CCDC83: variants seen among roughly 807,000 people sequenced by gnomAD.
CCDC83 encodes coiled-coil domain containing 83.
A neutral mutation model predicts 50.1 loss-of-function variants in CCDC83; 54 were observed. The ratio of observed to expected loss-of-function variants is 1.08; its 90% confidence interval spans 0.87 to 1.35. The LOEUF (loss-of-function observed/expected upper bound fraction) is 1.35. Ranked by LOEUF, CCDC83 falls within the 40% of genes most tolerant of loss-of-function variation. The probability of loss-of-function intolerance (pLI) is 0.00; values close to 1 mark genes in which losing one functional copy is unlikely to be tolerated. For synonymous variants in CCDC83, 161 were observed against 153.3 expected (o/e 1.05, Z -0.37); for missense variants, 518 against 473.9 (o/e 1.09, Z -0.86).
intron 5 of CCDC83, among the ~76,000 whole-genome samples, chr11:85,893,914 C>T (rs555990222): frequency 1.1e-4 from 17 of 152,170 alleles, no homozygotes; most frequent in Admixed American, 6.5e-5. Flanking sequence ...GTTTGGCATA[C>T]AGAAAGAGCT....
chr11:85,874,668 C>T (rs2093258980), intron 3 of CCDC83, among the ~76,000 whole-genome samples: 1 of 152,200 alleles, frequency 6.6e-6, no homozygotes, highest in Non-Finnish European at 1.5e-5. Flanking sequence ...AACCAAATTA[C>T]CTTTTGAATA....
At chr11:85,895,822 C>CTT (rs200910995) in intron 6 of CCDC83, among the ~76,000 whole-genome samples, 1 of 150,894 alleles carries the variant, frequency 6.6e-6, no homozygotes, top group African/African-American at 2.4e-5. Flanking sequence ...TGAATTTTTT[C>CTT]TTTTTTTTTG....
chr11:85,897,566 T>C (rs1430340225), intron 6 of CCDC83, among the ~76,000 whole-genome samples: 1 of 152,182 alleles, frequency 6.6e-6, no homozygotes, highest in East Asian at 1.9e-4. Flanking sequence ...GGCTGATATA[T>C]TGCCCTGGGA....
chr11:85,914,773 T>A (rs867044236), intron 8 of CCDC83, among the ~76,000 whole-genome samples: 1 of 152,132 alleles, frequency 6.6e-6, no homozygotes, highest in Non-Finnish European at 1.5e-5. Flanking sequence ...CATGCTGCTA[T>A]AAAAAACTGC....
chr11:85,919,665 G>A lies in CCDC83; in HGVS notation c.*155G>A. 1.6e-6 allele frequency: 1 copy of A among 629,534 alleles called. No individual in the cohort carries two copies. Among genetic ancestry groups the A allele is most frequent in the Non-Finnish European group, 2.7e-6 (1 of 367,748 alleles). 39.0% of individuals were successfully genotyped at this position (629,534 alleles called of 1,614,324 possible). On this transcript the variant is annotated 3_prime_UTR_variant, in exon 11 of 11. Coordinates refer to ENST00000342404, the MANE Select transcript of CCDC83 (RefSeq NM_001286159.2). Reference sequence around the variant, plus strand: ...TTACATTTAAAATCAAAGGTATTCAGCTATTCATTTACTTGCATGGTATGA... The same window carrying A: ...TTACATTTAAAATCAAAGGTATTCAACTATTCATTTACTTGCATGGTATGA...
At chr11:85,908,389 A>G (rs2093434605) in intron 7 of CCDC83, among the ~76,000 whole-genome samples, 1 of 151,966 alleles carries the variant, frequency 6.6e-6, no homozygotes, top group African/African-American at 2.4e-5. Context: ...CGTCTCTACT[A>G]AAGATGCAAA....
intron 4 of CCDC83, among the ~76,000 whole-genome samples, chr11:85,885,952 T>C (rs568961148): frequency 5.3e-5 from 8 of 152,346 alleles, no homozygotes; most frequent in African/African-American, 1.9e-4. Context: ...GTCTATTACG[T>C]CTTTCAATCA....
Position 85,919,536 on chromosome 11 carries a change from A to G in CCDC83, c.*26A>G, listed in dbSNP as rs371318057. 4.5e-6 allele frequency: 7 copies of G among 1,550,560 alleles called. No homozygotes were observed. The African/African-American group carries it at 9.7e-5, about 21-fold the overall frequency. ...GACGGAAAGCTGCAAAGGAAACACA[A>G]CTTTTCCTTATAAATGTTCTTTGGG... On this transcript the variant is annotated 3_prime_UTR_variant, in exon 11 of 11. Transcript: ENST00000342404.
At chr11:85,881,454 T>C (rs1249707161) in intron 3 of CCDC83, among the ~76,000 whole-genome samples, 1 of 152,102 alleles carries the variant, frequency 6.6e-6, no homozygotes, top group African/African-American at 2.4e-5. Flanking sequence ...ACTGGGTCTT[T>C]CTCTGTCACC....
At chr11:85,883,540 T>C (rs2093312127) in intron 4 of CCDC83, among the ~76,000 whole-genome samples, 1 of 152,122 alleles carries the variant, frequency 6.6e-6, no homozygotes, top group Admixed American at 6.5e-5. Context: ...TGCTGTAGGC[T>C]TAGGAAATAC....
chr11:85,887,062 G>A (rs1171332320), intron 5 of CCDC83, among the ~76,000 whole-genome samples: 1 of 152,186 alleles, frequency 6.6e-6, no homozygotes, highest in Non-Finnish European at 1.5e-5. Flanking sequence ...GCTTAGCCAG[G>A]CTGGATAGCC....
At chr11:85,900,235 C>A (rs781416196) in intron 7 of CCDC83, among the ~76,000 whole-genome samples, 5 of 152,292 alleles carry the variant, frequency 3.3e-5, no homozygotes, top group Admixed American at 6.5e-5. Context: ...TATCAGTAAG[C>A]ATCTGCCATC....
intron 3 of CCDC83, among the ~76,000 whole-genome samples, chr11:85,874,917 A>G (rs933737132): frequency 1.3e-5 from 2 of 152,198 alleles, no homozygotes; most frequent in South Asian, 4.1e-4. Context: ...CCTTGTCTCC[A>G]GCTGCTGATG....
At chr11:85,865,258 A>C (rs1298714980) in intron 2 of CCDC83, 40 bp downstream of exon 2, 2 of 1,210,572 alleles carry the variant, frequency 1.7e-6, no homozygotes, top group South Asian at 1.2e-5. Context: ...GCCATAGATA[A>C]AAGGCAGTCA....
In CCDC83 at chr11:85,909,645, C is replaced by T. The variant is rs372501466; in HGVS notation, c.673-1636C>T. Among the ~76,000 whole-genome samples, 470 of 66,740 alleles carry T rather than the reference C, an allele frequency of 7.0e-3. 4 individuals are homozygous for T. The highest frequency in any genetic ancestry group is 0.028 in the African/African-American group (451 of 16,342). The allele number at this position is 66,740 out of a possible 152,430, so 43.8% of individuals were successfully genotyped here. ...TTTTTTTTTTTTTTTTTTTTTGAGA[C>T]GGAGTCTCGCTCTGTTGCCCAGGCT... is the stretch of plus-strand genomic sequence containing the variant. On this transcript the variant is annotated intron_variant, in intron 7 of 10. Coordinates refer to ENST00000342404, the MANE Select transcript of CCDC83 (RefSeq NM_001286159.2).
intron 2 of CCDC83, 63 bp downstream of exon 2, chr11:85,865,281 A>C: frequency 3.0e-6 from 3 of 990,032 alleles, no homozygotes; most frequent in Non-Finnish European, 4.8e-6. Context: ...GTTAAGACTC[A>C]TATAACTGCA....
intron 4 of CCDC83, among the ~76,000 whole-genome samples, chr11:85,883,384 A>C (rs1054841076): frequency 5.3e-5 from 8 of 152,034 alleles, no homozygotes; most frequent in Non-Finnish European, 1.2e-4. Context: ...TAAAACCATG[A>C]AAAATGTTTC....
chr11:85,915,519 T>G (rs367896608), intron 9 of CCDC83, 21 bp downstream of exon 9: 7 of 1,536,508 alleles, frequency 4.6e-6, no homozygotes, highest in African/African-American at 1.4e-5. Context: ...ATTGCAATAA[T>G]GATGATGATT....
chr11:85,873,063 T>C lies in CCDC83; in HGVS notation c.96-148T>C, dbSNP rs578145840. 1.9e-3 allele frequency: 789 copies of C among 419,406 alleles called. 4 individuals carry two copies. Among genetic ancestry groups the C allele is most frequent in the Middle Eastern group, 3.8e-3 (6 of 1,574 alleles). 26.0% of individuals were successfully genotyped at this position (419,406 alleles called of 1,614,324 possible). A position where few individuals can be genotyped will look rare whatever the true frequency, so the allele number is the denominator to read the frequency against. ...ATATATTTTAGTGAGTAAAATAGAT[T>C]CAGAAACACAAAACCGTTTAGGAAA... On this transcript the variant is annotated intron_variant, in intron 2 of 10. Coordinates refer to ENST00000342404, the MANE Select transcript of CCDC83 (RefSeq NM_001286159.2).
Sources: gnomAD v4.1 joint callset for allele counts (sites outside exome capture counted in the v4.1 genomes callset) on GRCh38, gnomAD v4.1.1 for gene constraint, MANE v1.5 for transcripts, NCBI Gene and HGNC (gene_info 2026-07-23, HGNC 2026-07-21) for gene names.